The following PAPPA variants were observed in gnomAD, a reference collection of about 807,000 sequenced individuals.
PAPPA encodes the protein pappalysin-1.
In PAPPA, 60 loss-of-function variants were observed where a neutral mutation model predicts 164.0. That is an observed-to-expected ratio of 0.37 (90% CI 0.30 to 0.45). The LOEUF (loss-of-function observed/expected upper bound fraction) is 0.45, where lower values mean the gene tolerates loss of function less well. Ranked by LOEUF, PAPPA falls within the 20% of genes least tolerant of loss-of-function variation. PAPPA has a pLI of 1.00. For missense variants in PAPPA, 1,782 were observed against 2,087.3 expected, an observed-to-expected ratio of 0.85 and a Z score of 2.85; for synonymous variants, 875 against 814.1, an observed-to-expected ratio of 1.07 and a Z score of -1.27.
intron 21 of PAPPA, among the ~76,000 whole-genome samples, chr9:116,386,796 A>G (rs1465450042): frequency 1.3e-5 from 2 of 152,168 alleles, no homozygotes; most frequent in East Asian, 1.9e-4. Context: ...CAGTAGCAGC[A>G]AAGATGGGGT....
At chr9:116,367,205 G>A (rs1205713192) in intron 18 of PAPPA, among the ~76,000 whole-genome samples, 1 of 152,238 alleles carries the variant, frequency 6.6e-6, no homozygotes, top group Non-Finnish European at 1.5e-5. Flanking sequence ...AAGAAGCACA[G>A]AGGATGAGAA....
chr9:116,170,175 TG>T (rs1564172741), intron 1 of PAPPA, among the ~76,000 whole-genome samples: 1 of 152,110 alleles, frequency 6.6e-6, no homozygotes. Context: ...GCTGAAAAAC[TG>T]GGGGCATACC....
chr9:116,368,783 C>T (rs539264561), intron 19 of PAPPA, among the ~76,000 whole-genome samples: 1 of 152,248 alleles, frequency 6.6e-6, no homozygotes, highest in South Asian at 2.1e-4. Flanking sequence ...GCCATGGAGC[C>T]CAGGGAGCTA....
intron 7 of PAPPA, among the ~76,000 whole-genome samples, chr9:116,240,282 G>A (rs1420412273): frequency 6.6e-6 from 1 of 152,188 alleles, no homozygotes; most frequent in Non-Finnish European, 1.5e-5. Context: ...CAGTCTATGG[G>A]AAAAGAGAGG....
intron 18 of PAPPA, among the ~76,000 whole-genome samples, chr9:116,364,769 G>C (rs1031961665): frequency 6.6e-6 from 1 of 152,186 alleles, no homozygotes; most frequent in Non-Finnish European, 1.5e-5. Context: ...GAGGGGAAGG[G>C]GTGGGAGGGT....
At chr9:116,363,647 A>G (rs555167191) in intron 18 of PAPPA, among the ~76,000 whole-genome samples, 2 of 152,298 alleles carry the variant, frequency 1.3e-5, no homozygotes, top group African/African-American at 2.4e-5. Context: ...AGGGAACTGA[A>G]CATCCTTTCT....
intron 5 of PAPPA, among the ~76,000 whole-genome samples, chr9:116,226,608 C>T (rs1844513650): frequency 6.6e-6 from 1 of 152,180 alleles, no homozygotes; most frequent in South Asian, 2.1e-4. Flanking sequence ...GTTTTCAGTT[C>T]ACAATAAGAC....
chr9:116,256,109 C>T (rs888358056), intron 7 of PAPPA, among the ~76,000 whole-genome samples: 2 of 150,984 alleles, frequency 1.3e-5, no homozygotes, highest in Non-Finnish European at 2.9e-5. Flanking sequence ...CCAGGGAGCA[C>T]ATGATTCCCA....
At chr9:116,215,580 G>A (rs1327423164) in intron 4 of PAPPA, among the ~76,000 whole-genome samples, 1 of 152,106 alleles carries the variant, frequency 6.6e-6, no homozygotes, top group East Asian at 1.9e-4. Flanking sequence ...AACACACACT[G>A]GGGTCTATTG....
intron 9 of PAPPA, among the ~76,000 whole-genome samples, chr9:116,288,327 C>T (rs558900627): frequency 3.6e-4 from 55 of 152,118 alleles, no homozygotes; most frequent in African/African-American, 1.3e-3. Context: ...CAAGATTGCG[C>T]CACCGCACTC....
chr9:116,186,941 C>T (rs1587943126), intron 1 of PAPPA, among the ~76,000 whole-genome samples: 1 of 152,110 alleles, frequency 6.6e-6, no homozygotes. Context: ...ATGCTCCAAA[C>T]CCAACTTACT....
chr9:116,181,569 C>G (rs188429412), intron 1 of PAPPA, among the ~76,000 whole-genome samples: 1 of 152,214 alleles, frequency 6.6e-6, no homozygotes, highest in African/African-American at 2.4e-5. Flanking sequence ...GGGGTTACAT[C>G]TTTAATGTAT....
At chr9:116,246,835 A>T (rs1457834480) in intron 7 of PAPPA, among the ~76,000 whole-genome samples, 1 of 152,144 alleles carries the variant, frequency 6.6e-6, no homozygotes, top group African/African-American at 2.4e-5. Context: ...GACAGCATAG[A>T]AAGACCCCAT....
chr9:116,235,600 G>T lies in PAPPA; in HGVS notation c.2695G>T (p.Ala899Ser), dbSNP rs755336736. The change falls in exon 7 of 22, where the codon GCC becomes TCC. Residue 899 changes from alanine (A) to serine (S), a missense_variant. Ala to Ser is a moderately conservative substitution (Grantham distance 99, BLOSUM62 1). Transcript: ENST00000328252. ...GGACCCTCCTCTCCAGATGGATGTG[G>T]CCTCCATCCTACATCTCAATAGGAA... ...VRDPPLQMDV[A>S]SILHLNRKFV... The T allele has an allele frequency of 3.1e-6, 5 of 1,613,298 alleles. No individual in the cohort carries two copies. Among genetic ancestry groups the T allele is most frequent in the Non-Finnish European group, 3.4e-6 (4 of 1,179,828 alleles).
At chr9:116,179,266 G>T (rs1225131969) in intron 1 of PAPPA, among the ~76,000 whole-genome samples, 2 of 152,162 alleles carry the variant, frequency 1.3e-5, no homozygotes, top group Non-Finnish European at 1.5e-5. Flanking sequence ...AACAGTTCCT[G>T]GCAAGGAAGA....
Position 116,362,711 on chromosome 9 carries a change from A to G in PAPPA, c.4467A>G (p.Lys1489=), listed in dbSNP as rs533846832. The change falls in exon 18 of 22, where the codon AAA becomes AAG. Residue 1489 remains lysine (K), a synonymous_variant. Coordinates refer to ENST00000328252, the MANE Select transcript of PAPPA (RefSeq NM_002581.5). ...CAAACGAGCTCAACAGCAACCTCAA[A>G]CTGCAGTGCCCTGATGGCTATGCCA... ...SVPNELNSNL[K]LQCPDGYAIG... 72 of 1,613,960 alleles carry G rather than the reference A, an allele frequency of 4.5e-5. No individual in the cohort carries two copies. In the South Asian group the frequency reaches 7.4e-4, roughly 16 times the overall value.
chr9:116,242,688 T>G (rs1844750068), intron 7 of PAPPA, among the ~76,000 whole-genome samples: 1 of 152,200 alleles, frequency 6.6e-6, no homozygotes, highest in Non-Finnish European at 1.5e-5. Context: ...CTAGGGTGAA[T>G]ACTGAGAAAT....
chr9:116,355,856 G>A (rs372009960), intron 17 of PAPPA, among the ~76,000 whole-genome samples: 6 of 152,276 alleles, frequency 3.9e-5, no homozygotes, highest in South Asian at 4.1e-4. Flanking sequence ...GAGGGTGTGC[G>A]TGCCAAATGG....
At chr9:116,200,277 T>C (rs1844157036) in intron 2 of PAPPA, among the ~76,000 whole-genome samples, 1 of 152,234 alleles carries the variant, frequency 6.6e-6, no homozygotes, top group South Asian at 2.1e-4. Flanking sequence ...AAAACCTCAG[T>C]GGCTTCTGAC....
Sources: gnomAD v4.1 joint callset for allele counts (sites outside exome capture counted in the v4.1 genomes callset) on GRCh38, gnomAD v4.1.1 for gene constraint, MANE v1.5 for transcripts, NCBI Gene and HGNC (gene_info 2026-07-23, HGNC 2026-07-21) for gene names.